The following RARS2 variants were observed in gnomAD, a reference collection of about 807,000 sequenced individuals.
The protein encoded by RARS2 is probable arginine--tRNA ligase, mitochondrial.
RARS2 carries 67 observed loss-of-function variants against 88.5 expected under a neutral mutation model. The ratio of observed to expected loss-of-function variants is 0.76; its 90% CI spans 0.62 to 0.93. The LOEUF is 0.93. Ranked by LOEUF, RARS2 falls within the 40% of genes least tolerant of loss-of-function variation. The probability of loss-of-function intolerance (pLI) is 0.00; values close to 1 mark genes in which losing one functional copy is unlikely to be tolerated. For missense variants in RARS2, 664 were observed against 684.2 expected, an observed-to-expected ratio of 0.97 and a Z score of 0.33; for synonymous variants, 239 against 230.3, an observed-to-expected ratio of 1.04 and a Z score of -0.34.
At chr6:87,588,469 C>T (rs900215856) in intron 1 of RARS2, among the ~76,000 whole-genome samples, 1 of 152,054 alleles carries the variant, frequency 6.6e-6, no homozygotes, top group Non-Finnish European at 1.5e-5. Flanking sequence ...GTGGGTCCGT[C>T]CAAGTGATCC....
intron 1 of RARS2, among the ~76,000 whole-genome samples, chr6:87,578,012 G>A (rs928748302): frequency 1.3e-5 from 2 of 152,036 alleles, no homozygotes; most frequent in African/African-American, 4.8e-5. Flanking sequence ...GCCAAGCGCG[G>A]TGGCTCATGC....
intron 1 of RARS2, among the ~76,000 whole-genome samples, chr6:87,582,144 A>G (rs79452640): frequency 6.6e-6 from 1 of 152,200 alleles, no homozygotes; most frequent in Non-Finnish European, 1.5e-5. Flanking sequence ...GCTGGGCCAG[A>G]TGATATTTCT....
chr6:87,530,793 C>G lies in RARS2; in HGVS notation c.762G>C (p.Arg254=), dbSNP rs1255444680. ...GAGGGTCAACCAATACCTTGTAAAC[C>G]CGAATGTACTCTTCAATGCTCAAGT... ...FRDLSIEEYI[R]VYKRLGVYFD... Residue 254 remains arginine, a synonymous_variant, in exon 9 of 20, where the codon CGG becomes CGC. Transcript: ENST00000369536. The G allele has an allele frequency of 6.2e-7, 1 of 1,614,130 alleles. No individual in the cohort carries two copies. The highest frequency in any genetic ancestry group is 8.5e-7 in the Non-Finnish European group (1 of 1,180,002).
intron 1 of RARS2, among the ~76,000 whole-genome samples, chr6:87,572,919 T>C (rs1770235805): frequency 1.3e-5 from 2 of 151,636 alleles, no homozygotes; most frequent in African/African-American, 4.8e-5. Flanking sequence ...TAATACAGGG[T>C]AAACATATAT....
chr6:87,572,923 C>CAT (rs34529652), intron 1 of RARS2, among the ~76,000 whole-genome samples: 110 of 151,246 alleles, frequency 7.3e-4, no homozygotes, highest in South Asian at 1.7e-3. Context: ...ACAGGGTAAA[C>CAT]ATATATATAT....
At chr6:87,578,110 C>CA (rs1011794933) in intron 1 of RARS2, among the ~76,000 whole-genome samples, 2 of 145,810 alleles carry the variant, frequency 1.4e-5, no homozygotes, top group African/African-American at 2.6e-5. Flanking sequence ...TAGCGAGACC[C>CA]CCCCCCCCGC....
At chr6:87,583,159 C>T (rs961159915) in intron 1 of RARS2, among the ~76,000 whole-genome samples, 1 of 152,096 alleles carries the variant, frequency 6.6e-6, no homozygotes, top group Admixed American at 6.5e-5. Flanking sequence ...AAAAGTTATA[C>T]AGAACGATGA....
intron 14 of RARS2, 174 bp from the exon 15 acceptor site, chr6:87,519,065 C>T (rs1283206615): frequency 3.0e-6 from 2 of 667,804 alleles, no homozygotes; most frequent in African/African-American, 3.6e-5. Context: ...TTTCCCCTGC[C>T]TACATTAAAG....
chr6:87,530,652 T>G, intron 9 of RARS2, 132 bp downstream of exon 9: 6 of 1,228,246 alleles, frequency 4.9e-6, no homozygotes, highest in Non-Finnish European at 7.0e-6. Context: ...AAAAAAAAAT[T>G]TGAGTCTTAA....
chr6:87,585,015 CT>C (rs1377373453), intron 1 of RARS2, among the ~76,000 whole-genome samples: 1 of 151,924 alleles, frequency 6.6e-6, no homozygotes, highest in Non-Finnish European at 1.5e-5. Context: ...CCCTTAAGTA[CT>C]ATAAACAGTA....
intron 8 of RARS2, 66 bp from the exon 9 acceptor site, chr6:87,531,008 A>G (rs1175162850): frequency 3.4e-5 from 54 of 1,595,250 alleles, no homozygotes; most frequent in Non-Finnish European, 4.2e-5. Flanking sequence ...ACACGGAAAG[A>G]AAGCAAAAAA....
chr6:87,556,883 C>A (rs552995757), intron 4 of RARS2, among the ~76,000 whole-genome samples: 6 of 150,784 alleles, frequency 4.0e-5, no homozygotes, highest in African/African-American at 1.5e-4. Flanking sequence ...AACTCCTGGG[C>A]TCAAATGATC....
At chr6:87,582,084 TG>T (rs878898162) in intron 1 of RARS2, among the ~76,000 whole-genome samples, 1 of 152,206 alleles carries the variant, frequency 6.6e-6, no homozygotes, top group East Asian at 1.9e-4. Flanking sequence ...CATGTATCTT[TG>T]TAGCAGAATG....
intron 1 of RARS2, among the ~76,000 whole-genome samples, chr6:87,579,730 T>TG (rs1772838122): frequency 8.4e-6 from 1 of 119,276 alleles, no homozygotes; most frequent in Non-Finnish European, 1.8e-5. Context: ...TTTTTTTTTT[T>TG]TTTTTTTTTT....
intron 5 of RARS2, 126 bp downstream of exon 5, chr6:87,555,282 A>T: frequency 1.5e-6 from 1 of 686,998 alleles, no homozygotes. Context: ...TCAAGAAATA[A>T]CATAATTGCA....
At chr6:87,580,669 C>T (rs1343865296) in intron 1 of RARS2, among the ~76,000 whole-genome samples, 1 of 151,780 alleles carries the variant, frequency 6.6e-6, no homozygotes, top group Non-Finnish European at 1.5e-5. Context: ...GTATATTGCC[C>T]AGGGTGGTCT....
chr6:87,586,737 C>A (rs1179957741), intron 1 of RARS2, among the ~76,000 whole-genome samples: 1 of 152,104 alleles, frequency 6.6e-6, no homozygotes, highest in Admixed American at 6.6e-5. Flanking sequence ...TATAGCAAAA[C>A]GATGCTCATT....
At chr6:87,546,743 C>T (rs1336886577) in intron 6 of RARS2, among the ~76,000 whole-genome samples, 1 of 152,204 alleles carries the variant, frequency 6.6e-6, no homozygotes, top group Non-Finnish European at 1.5e-5. Context: ...TCTGCCTTTA[C>T]TAAGAATGGA....
At position 87,514,518 on chromosome 6, in the gene RARS2, A is replaced by C. The variant is rs1287122234; in HGVS notation, c.1651-19T>G. 1.9e-6 allele frequency: 3 copies of C among 1,548,490 alleles called. No homozygotes were observed. In the Admixed American group the frequency reaches 5.0e-5, roughly 26 times the overall value. On this transcript the variant is annotated intron_variant, in intron 19 of 19. Transcript: ENST00000369536. ...GTCTGGCCTACAAAATAAATCAAAG[A>C]ATGATTTAAAATATTCAGTAACAGG...
Sources: allele counts gnomAD v4.1 joint callset (sites outside exome capture counted in the v4.1 genomes callset), GRCh38; gene constraint gnomAD v4.1.1; transcripts MANE v1.5; gene names NCBI Gene and HGNC (gene_info 2026-07-23, HGNC 2026-07-21).